Variants in VASH2 observed in about 807,000 individuals in gnomAD.
VASH2 encodes the protein tubulinyl-Tyr carboxypeptidase 2.
A neutral mutation model predicts 37.2 loss-of-function variants in VASH2; 28 were observed. That is an observed-to-expected ratio of 0.75 (90% confidence interval 0.56 to 1.03). VASH2 has a LOEUF of 1.03. Among genes scored for constraint, VASH2 ranks in the 50% least tolerant of loss-of-function variants. The pLI is 0.00. For synonymous variants in VASH2, 188 were observed against 174.7 expected, an observed-to-expected ratio of 1.08 and a Z score of -0.60; for missense variants, 419 against 459.1, an observed-to-expected ratio of 0.91 and a Z score of 0.80.
intron 2 of VASH2, among the ~76,000 whole-genome samples, chr1:212,959,468 C>T (rs190950891): frequency 1.3e-5 from 2 of 148,540 alleles, no homozygotes; most frequent in South Asian, 4.3e-4. Context: ...CACACACACA[C>T]AATACCTTGG....
chr1:212,965,727 A>T lies in VASH2; in HGVS notation c.371A>T (p.Asn124Ile). 1 of 1,552,018 alleles carries T rather than the reference A, an allele frequency of 6.4e-7. No homozygotes were observed. Among genetic ancestry groups the T allele is most frequent in the Non-Finnish European group, 8.7e-7 (1 of 1,146,838 alleles). ...IQNYMKTLQY[N>I]HTGTQFFEIR... ...CCTTTACATACTTTACACAGATATA[A>T]TCACACAGGGACCCAGTTCTTTGAA... The change falls in exon 4 of 8, where the codon AAT becomes ATT. Residue 124 changes from asparagine (N) to isoleucine (I), a missense_variant. Physicochemically the swap from Asn to Ile is moderately radical, Grantham distance 149. This residue lies in a region of VASH2 where 84 missense variants were observed against 129.9 expected (regional missense o/e 0.65). Coordinates refer to ENST00000517399, the MANE Select transcript of VASH2 (RefSeq NM_001301056.2).
chr1:212,979,182 T>C (rs935164257), intron 7 of VASH2, among the ~76,000 whole-genome samples: 4 of 152,164 alleles, frequency 2.6e-5, no homozygotes, highest in African/African-American at 9.7e-5. Context: ...TTCCTGGAGG[T>C]ATGTTTGGAG....
intron 7 of VASH2, among the ~76,000 whole-genome samples, chr1:212,987,211 A>G (rs1230608826): frequency 6.6e-6 from 1 of 152,128 alleles, no homozygotes; most frequent in Non-Finnish European, 1.5e-5. Context: ...AAATCTTTCA[A>G]GGGCATAAAA....
At chr1:212,969,191 CTTCT>C (rs1174565274) in intron 5 of VASH2, 46 of 966,998 alleles carry the variant, frequency 4.8e-5, no homozygotes, top group South Asian at 3.4e-4. Context: ...CCGAATTCTT[CTTCT>C]TTTTTTTTTT....
Position 212,971,181 on chromosome 1 carries a change from T to TA in VASH2, c.498-1399_498-1398insA, listed in dbSNP as rs1454179572. Among the ~76,000 whole-genome samples, 2 of 152,268 alleles carry TA rather than the reference T, an allele frequency of 1.3e-5. No individual in the cohort carries two copies. The highest frequency in any genetic ancestry group is 2.9e-5 in the Non-Finnish European group (2 of 68,050). Reference sequence around the variant, plus strand: ...ATTACATGTATACACTACATTTTGTTCATCCCTTTATCCATCGATGGATAT... The same window carrying TA: ...ATTACATGTATACACTACATTTTGTTACATCCCTTTATCCATCGATGGATAT... On this transcript the variant is annotated intron_variant, in intron 5 of 7. Transcript: ENST00000517399. This position sits in a 1 kb window ranked among gnomAD's most constrained non-coding sequence, Gnocchi z 4.0.
chr1:212,968,847 C>G, intron 5 of VASH2: 12 of 985,478 alleles, frequency 1.2e-5, no homozygotes, highest in Non-Finnish European at 1.3e-5. Flanking sequence ...ATGGGGTAGA[C>G]AAGCTAACTT....
At chr1:212,965,919 C>T in intron 4 of VASH2, 141 bp downstream of exon 4, 1 of 826,464 alleles carries the variant, frequency 1.2e-6, no homozygotes, top group South Asian at 1.7e-5. Flanking sequence ...TGCCCCAGGG[C>T]CAGGTTGGAG....
At chr1:212,986,210 C>T (rs1667474762) in intron 7 of VASH2, among the ~76,000 whole-genome samples, 1 of 152,126 alleles carries the variant, frequency 6.6e-6, no homozygotes, top group African/African-American at 2.4e-5. Flanking sequence ...GCAAGGAATG[C>T]ATAGGTACTG....
chr1:212,961,306 G>A (rs767912511), intron 3 of VASH2, 52 bp downstream of exon 3: 1 of 1,612,866 alleles, frequency 6.2e-7, no homozygotes, highest in East Asian at 2.2e-5. Flanking sequence ...CAGGCATGGT[G>A]ATCGCAAGCC....
In VASH2 at chr1:212,973,328, T is replaced by C. The variant is rs991082184; in HGVS notation, c.879+367T>C. The C allele has an allele frequency of 7.4e-6, 9 of 1,220,976 alleles. No individual in the cohort carries two copies. In the East Asian group the frequency reaches 4.9e-4, roughly 67 times the overall value. 75.6% of individuals were successfully genotyped at this position (1,220,976 alleles called of 1,614,324 possible). A position where few individuals can be genotyped will look rare whatever the true frequency, so the allele number is the denominator to read the frequency against. On this transcript the variant is annotated intron_variant, in intron 6 of 7. Coordinates refer to ENST00000517399, the MANE Select transcript of VASH2 (RefSeq NM_001301056.2). ...GTATTAAAACCTGGAAAACCTTATA[T>C]GCTGGCCTTATATAGACTATACTCA...
At chr1:212,967,070 G>A (rs755928336) in intron 5 of VASH2, 13 of 1,298,166 alleles carry the variant, frequency 1.0e-5, no homozygotes, top group African/African-American at 3.0e-5. Context: ...TAAGAGTGGC[G>A]TGTGGAGGAG....
At position 212,966,318 on chromosome 1, in the gene VASH2, A is replaced by G. The variant is rs1666840305; in HGVS notation, c.470A>G (p.Lys157Arg). The stretch of plus-strand genomic sequence containing the variant: ...ATGACCCGAGAGTCCTTGCCTATCA[A>G]ATGCCTTGAAGCTGTCATCCTGGGC... ...KEMTRESLPIKCLEAVILGIY... is the reference protein window; with the variant it reads ...KEMTRESLPIRCLEAVILGIY... The change falls in exon 5 of 8, where the codon AAA becomes AGA. Residue 157 changes from lysine to arginine, a missense_variant. Lys to Arg is a conservative substitution (Grantham distance 26, BLOSUM62 2). Coordinates refer to ENST00000517399, the MANE Select transcript of VASH2 (RefSeq NM_001301056.2). The G allele has an allele frequency of 1.3e-6, 2 of 1,551,718 alleles. No individual in the cohort carries two copies. The highest frequency in any genetic ancestry group is 1.7e-6 in the Non-Finnish European group (2 of 1,146,996).
intron 2 of VASH2, among the ~76,000 whole-genome samples, chr1:212,960,681 C>T (rs756973623): frequency 3.9e-5 from 6 of 152,214 alleles, no homozygotes; most frequent in South Asian, 2.1e-4. Context: ...TGAGCCATGG[C>T]GCCCGGCATC....
At chr1:212,965,910 GC>G in intron 4 of VASH2, 132 bp downstream of exon 4, 1 of 889,230 alleles carries the variant, frequency 1.1e-6, no homozygotes, top group Non-Finnish European at 1.7e-6. Flanking sequence ...GGCGGAGGGT[GC>G]CCCAGGGCCA....
At chr1:212,973,564 G>A (rs1327350008) in intron 6 of VASH2, 4 of 1,275,408 alleles carry the variant, frequency 3.1e-6, no homozygotes, top group Non-Finnish European at 4.1e-6. Context: ...TCATATGTGT[G>A]GGATGGGAGC....
chr1:212,988,670 T>TA lies in VASH2; in HGVS notation c.*87dup, dbSNP rs1193231434. On this transcript the variant is annotated 3_prime_UTR_variant, in exon 8 of 8. Transcript: ENST00000517399. ...ATCTTCAGGAGGAACTGCAACTATTTATTAAGAACTTGTGAATTTTATTTT... is the reference window on the plus strand; with the variant it reads ...ATCTTCAGGAGGAACTGCAACTATTTAATTAAGAACTTGTGAATTTTATTTT... 1.5e-6 allele frequency: 2 copies of TA among 1,331,054 alleles called. No homozygotes were observed. Among genetic ancestry groups the TA allele is most frequent in the African/African-American group, 2.9e-5 (2 of 68,908 alleles). 82.5% of individuals were successfully genotyped at this position (1,331,054 alleles called of 1,614,324 possible).
chr1:212,984,793 G>A (rs939219643), intron 7 of VASH2, among the ~76,000 whole-genome samples: 1 of 152,156 alleles, frequency 6.6e-6, no homozygotes, highest in African/African-American at 2.4e-5. Context: ...AGCTACCATG[G>A]CTTAGGTCCT....
intron 6 of VASH2, chr1:212,973,593 T>G: frequency 8.0e-7 from 1 of 1,248,972 alleles, no homozygotes; most frequent in Non-Finnish European, 1.0e-6. Flanking sequence ...AAGAACAGGC[T>G]GGTTTCTGAG....
intron 3 of VASH2, 176 bp downstream of exon 3, chr1:212,961,430 T>C (rs1182653961): frequency 2.1e-6 from 3 of 1,396,480 alleles, no homozygotes; most frequent in Non-Finnish European, 2.8e-6. Context: ...GAGGTTGTCA[T>C]TGCAGTGACC....
Sources: allele counts gnomAD v4.1 joint callset (sites outside exome capture counted in the v4.1 genomes callset), GRCh38; gene constraint gnomAD v4.1.1; regional missense constraint gnomAD v4.1.1; non-coding constraint Gnocchi (gnomAD v3.1); transcripts MANE v1.5; gene names NCBI Gene and HGNC (gene_info 2026-07-23, HGNC 2026-07-21).